The following EDARADD variants were observed in gnomAD, a reference collection of about 807,000 sequenced individuals.
EDARADD encodes the protein ectodysplasin-A receptor-associated adapter protein.
A neutral mutation model predicts 25.6 loss-of-function variants in EDARADD; 20 were observed. The ratio of observed to expected loss-of-function variants is 0.78; its 90% CI spans 0.55 to 1.14. The LOEUF is 1.14. EDARADD is among the 50% of genes most tolerant of loss of function. The pLI, the probability that EDARADD is intolerant of heterozygous loss-of-function variation, is 0.00. For missense variants in EDARADD, 225 were observed against 270.1 expected (o/e 0.83, Z 1.17); for synonymous variants, 86 against 94.4 (o/e 0.91, Z 0.52).
At chr1:236,433,311 C>A (rs2103018926) in intron 4 of EDARADD, among the ~76,000 whole-genome samples, 1 of 120,514 alleles carries the variant, frequency 8.3e-6, no homozygotes, top group Admixed American at 8.4e-5. Flanking sequence ...AATCCCAGCA[C>A]TTTGGGGGGG....
intron 4 of EDARADD, among the ~76,000 whole-genome samples, chr1:236,457,525 A>G (rs1462681027): frequency 1.3e-5 from 2 of 151,742 alleles, no homozygotes; most frequent in African/African-American, 4.8e-5. Flanking sequence ...TCTAAAAAAC[A>G]TAAAATAAAA....
At chr1:236,365,611 T>C (rs1458175235) in intron 3 of EDARADD, among the ~76,000 whole-genome samples, 1 of 152,194 alleles carries the variant, frequency 6.6e-6, no homozygotes, top group African/African-American at 2.4e-5. Flanking sequence ...CTGCTTGGTT[T>C]ACTTTACTTC....
chr1:236,449,430 A>G (rs151256126), intron 4 of EDARADD, among the ~76,000 whole-genome samples: 37 of 152,364 alleles, frequency 2.4e-4, no homozygotes, highest in East Asian at 1.9e-3. Flanking sequence ...CGTTTATTAA[A>G]TGGAATGGAT....
rs114319072 is a variant in EDARADD at position 236,372,432 on chromosome 1, G to T, written c.-6+21593G>T. Reference sequence around the variant, plus strand: ...TCTGGGCTAAATCTGCTCAGTCATGGTGTATAATTCTTTATATACATTGTT... The same window carrying T: ...TCTGGGCTAAATCTGCTCAGTCATGTTGTATAATTCTTTATATACATTGTT... On this transcript the variant is annotated intron_variant, in intron 3 of 7. Transcript: ENST00000439430. Among the ~76,000 whole-genome samples, 768 of 152,222 alleles carry T rather than the reference G, an allele frequency of 5.0e-3. 4 individuals carry two copies. The highest frequency in any genetic ancestry group is 0.017 in the African/African-American group (703 of 41,520).
intron 3 of EDARADD, among the ~76,000 whole-genome samples, chr1:236,361,210 C>T (rs1195120194): frequency 6.6e-6 from 1 of 152,172 alleles, no homozygotes; most frequent in East Asian, 1.9e-4. Flanking sequence ...TTCCTCACAA[C>T]CCTGTGTAAT....
intron 4 of EDARADD, among the ~76,000 whole-genome samples, chr1:236,454,227 T>C (rs1658789923): frequency 6.6e-6 from 1 of 152,100 alleles, no homozygotes; most frequent in Non-Finnish European, 1.5e-5. Flanking sequence ...TTGTAGTTTT[T>C]TTAGTAGAGA....
At chr1:236,479,091 C>G (rs1659593573) in intron 5 of EDARADD, among the ~76,000 whole-genome samples, 1 of 151,970 alleles carries the variant, frequency 6.6e-6, no homozygotes, top group African/African-American at 2.4e-5. Flanking sequence ...ATGGGTGCAC[C>G]AAAATCTCAT....
intron 5 of EDARADD, among the ~76,000 whole-genome samples, chr1:236,471,246 T>C (rs1393009233): frequency 6.6e-6 from 1 of 152,266 alleles, no homozygotes; most frequent in East Asian, 1.9e-4. Context: ...ATGTTGTTTT[T>C]CCCCTTTGGT....
intron 2 of EDARADD, among the ~76,000 whole-genome samples, chr1:236,410,632 C>T (rs1343173985): frequency 1.3e-5 from 2 of 152,090 alleles, no homozygotes; most frequent in Non-Finnish European, 2.9e-5. Context: ...TGTCAGGCAG[C>T]GTGTGTGATG....
chr1:236,405,781 CTTTCTTTCTTTT>C (rs1558112453), intron 1 of EDARADD, among the ~76,000 whole-genome samples: 1 of 63,358 alleles, frequency 1.6e-5, no homozygotes, highest in Non-Finnish European at 3.3e-5. Flanking sequence ...TTCTTTCTTT[CTTTCTTTCTTTT>C]CTTTTTCTTT....
chr1:236,397,001 T>A (rs1458483282), intron 1 of EDARADD, among the ~76,000 whole-genome samples: 3 of 150,736 alleles, frequency 2.0e-5, no homozygotes, highest in African/African-American at 7.3e-5. Context: ...CAAAAAGATC[T>A]TGAGAGAGAT....
chr1:236,437,163 C>A (rs1370441179), intron 4 of EDARADD, among the ~76,000 whole-genome samples: 1 of 152,182 alleles, frequency 6.6e-6, no homozygotes, highest in African/African-American at 2.4e-5. Context: ...AGAAAATCCC[C>A]CTCTTAGAGA....
chr1:236,423,169 C>T (rs1312513778), intron 3 of EDARADD, among the ~76,000 whole-genome samples: 3 of 152,176 alleles, frequency 2.0e-5, no homozygotes, highest in Non-Finnish European at 4.4e-5. Flanking sequence ...CCCAAATTTA[C>T]ATTGAGCTGA....
chr1:236,359,264 C>T (rs1191286506), intron 3 of EDARADD, among the ~76,000 whole-genome samples: 1 of 152,168 alleles, frequency 6.6e-6, no homozygotes, highest in Non-Finnish European at 1.5e-5. Flanking sequence ...CCCCAAATTC[C>T]TATATTAAAA....
chr1:236,471,155 C>G (rs1659348660), intron 5 of EDARADD, among the ~76,000 whole-genome samples: 1 of 152,182 alleles, frequency 6.6e-6, no homozygotes, highest in South Asian at 2.1e-4. Flanking sequence ...TTGCCTGGAT[C>G]CACCCAACCT....
chr1:236,394,623 G>T lies in EDARADD; in HGVS notation c.61+118G>T, dbSNP rs111813316. 4,387 of 859,084 alleles carry T rather than the reference G, an allele frequency of 5.1e-3. 130 individuals carry two copies. The African/African-American group carries it at 0.065, about 13-fold the overall frequency. 53.2% of individuals were successfully genotyped at this position (859,084 alleles called of 1,614,324 possible). ...ACTAAATACTATTATTATCTTTTTC[G>T]ACCCGACTTTTATCTTTCTGTTCTT... On this transcript the variant is annotated intron_variant, in intron 1 of 5. Transcript: ENST00000334232.
chr1:236,424,989 G>A (rs189846558), intron 3 of EDARADD, among the ~76,000 whole-genome samples: 1 of 152,304 alleles, frequency 6.6e-6, no homozygotes, highest in East Asian at 1.9e-4. Context: ...TATGTCCCAA[G>A]GGACCTTCTG....
At position 236,369,052 on chromosome 1, in the gene EDARADD, C is replaced by T. The variant is rs141594767; in HGVS notation, c.-6+18213C>T. ...CAAGTGATCTGCCTGCCTCAGCCTC[C>T]CAAAGTGCTGGGATTACAGGTGTGA... On this transcript the variant is annotated intron_variant, in intron 3 of 7. Coordinates refer to the EDARADD transcript ENST00000439430. Among the ~76,000 whole-genome samples, 952 of 152,276 alleles carry T rather than the reference C, an allele frequency of 6.3e-3. 10 individuals carry two copies. The highest frequency in any genetic ancestry group is 0.022 in the African/African-American group (894 of 41,554).
rs530348367 is a variant in EDARADD at position 236,473,900 on chromosome 1, C to T, written c.265+5624C>T. Reference sequence around the variant, plus strand: ...GCCTCCCCTTCAGCCTCCTGAGTAGCTGGGACTATAGGCGTGCACCACCAT... The same window carrying T: ...GCCTCCCCTTCAGCCTCCTGAGTAGTTGGGACTATAGGCGTGCACCACCAT... On this transcript the variant is annotated intron_variant, in intron 5 of 5. Transcript: ENST00000334232. Among the ~76,000 whole-genome samples, 7 of 152,224 alleles carry T rather than the reference C, an allele frequency of 4.6e-5. No homozygotes were observed. In the South Asian group the frequency reaches 1.2e-3, roughly 27 times the overall value.
Sources: gnomAD v4.1 joint callset for allele counts (sites outside exome capture counted in the v4.1 genomes callset) on GRCh38, gnomAD v4.1.1 for gene constraint, MANE v1.5 for transcripts, NCBI Gene and HGNC (gene_info 2026-07-23, HGNC 2026-07-21) for gene names.